The following ARHGAP30 variants were observed in gnomAD, a reference collection of about 807,000 sequenced individuals.
The protein encoded by ARHGAP30 is rho GTPase-activating protein 30.
A neutral mutation model predicts 72.0 loss-of-function variants in ARHGAP30; 23 were observed. The ratio of observed to expected loss-of-function variants is 0.32; its 90% confidence interval spans 0.23 to 0.45. The LOEUF is 0.45. Among genes scored for constraint, ARHGAP30 ranks in the 20% least tolerant of loss-of-function variants. ARHGAP30 has a pLI of 1.00. For missense variants in ARHGAP30, 1,319 were observed against 1,383.4 expected, an observed-to-expected ratio of 0.95 and a Z score of 0.74; for synonymous variants, 576 against 528.2, an observed-to-expected ratio of 1.09 and a Z score of -1.24.
At chr1:161,065,493 G>A (rs925140226) in intron 1 of ARHGAP30, among the ~76,000 whole-genome samples, 1 of 152,146 alleles carries the variant, frequency 6.6e-6, no homozygotes. Context: ...AATATGGAAT[G>A]AAGAAAATAA....
intron 9 of ARHGAP30, 38 bp from the exon 10 acceptor site, chr1:161,051,753 A>C: frequency 6.5e-7 from 1 of 1,545,420 alleles, no homozygotes; most frequent in Non-Finnish European, 8.7e-7. Flanking sequence ...GCAATAGCCT[A>C]AACTCCAAGG....
At position 161,049,435 on chromosome 1, in the gene ARHGAP30, C is replaced by A. The variant is rs1651180271; in HGVS notation, c.1675G>T (p.Val559Phe). The stretch of plus-strand genomic sequence containing the variant: ...ACGGCTCTCCTTACCTGAGGCCCAA[C>A]TCCCAGGAGCTCCTCCAGGTAGCCC... ...GMGYLEELLG[V>F]GPQVEEFSVE... The change falls in exon 11 of 12, where the codon GTT (valine) becomes TTT (phenylalanine). Residue 559 changes from valine (V) to phenylalanine (F), a missense_variant. Physicochemically the swap from Val to Phe is conservative, Grantham distance 50. This residue lies in a region of ARHGAP30 where 1,097 missense variants were observed against 1,045.2 expected (regional missense o/e 1.05). Transcript: ENST00000368013. The A allele has an allele frequency of 1.2e-6, 2 of 1,609,852 alleles. No homozygotes were observed. The highest frequency in any genetic ancestry group is 2.7e-5 in the African/African-American group (2 of 74,872).
chr1:161,069,486 G>T lies in ARHGAP30; in HGVS notation c.97+42C>A. On this transcript the variant is annotated intron_variant, in intron 1 of 11. Coordinates refer to ENST00000368013, the MANE Select transcript of ARHGAP30 (RefSeq NM_001025598.2). This position sits in a 1 kb window ranked among gnomAD's most constrained non-coding sequence, Gnocchi z 4.9. ...CTGGATCGGGCTGCAGATGCCCAGT[G>T]CCTCCCCACCCACCCTGCAGAAGCT... is the stretch of plus-strand genomic sequence containing the variant. 42 of 1,529,242 alleles carry T rather than the reference G, an allele frequency of 2.7e-5. No individual in the cohort carries two copies. The highest frequency in any genetic ancestry group is 3.4e-5 in the Non-Finnish European group (38 of 1,112,632). 94.7% of individuals were successfully genotyped at this position (1,529,242 alleles called of 1,614,324 possible).
In ARHGAP30 at chr1:161,048,668, C is replaced by A. The variant is rs1453775252; in HGVS notation, c.2353G>T (p.Val785Phe). The change falls in exon 12 of 12, where the codon GTT becomes TTT. Residue 785 changes from valine (V) to phenylalanine (F), a missense_variant. Physicochemically the swap from Val to Phe is conservative, Grantham distance 50 (BLOSUM62 -1). Transcript: ENST00000368013. ...CCCTCAGCCTCTTGTTTCTGTACAA[C>A]TTCCCATTTCTCCTCAGCAACTTGA... is the stretch of plus-strand genomic sequence containing the variant. ...EDQVAEEKWE[V>F]VQKQEAEGVR... 25 of 1,614,030 alleles carry A rather than the reference C, an allele frequency of 1.5e-5. No homozygotes were observed. The highest frequency in any genetic ancestry group is 1.9e-5 in the Non-Finnish European group (23 of 1,180,040).
intron 5 of ARHGAP30, among the ~76,000 whole-genome samples, chr1:161,053,790 C>G (rs1048341644): frequency 6.6e-6 from 1 of 152,210 alleles, no homozygotes; most frequent in Non-Finnish European, 1.5e-5. Flanking sequence ...TGAGGCCGGA[C>G]AGAGTGGCTC....
At chr1:161,068,906 GC>G in intron 1 of ARHGAP30, among the ~76,000 whole-genome samples, 1 of 151,902 alleles carries the variant, frequency 6.6e-6, no homozygotes, top group East Asian at 1.9e-4. Flanking sequence ...TTCTCCCCTT[GC>G]CCCCCACTTT....
In ARHGAP30 at chr1:161,054,708, G is replaced by A. The variant is rs1364165213; in HGVS notation, c.346-3C>T. On this transcript the variant is annotated splice_polypyrimidine_tract_variant and splice_region_variant and intron_variant, in intron 3 of 11. Transcript: ENST00000368013. ...TCCAATTGCACTCCTACAGCCTCCT[G>A]ATTGAGAAGAGTGCAAGAAGCAGGA... The A allele has an allele frequency of 6.2e-7, 1 of 1,613,826 alleles. No individual in the cohort carries two copies. Among genetic ancestry groups the A allele is most frequent in the East Asian group, 2.2e-5 (1 of 44,884 alleles).
intron 1 of ARHGAP30, among the ~76,000 whole-genome samples, chr1:161,063,802 G>C (rs1278681669): frequency 1.3e-5 from 2 of 151,512 alleles, no homozygotes; most frequent in East Asian, 3.9e-4. Context: ...GTCTCTGAAC[G>C]CCCCCCCCAC....
At position 161,054,717 on chromosome 1, in the gene ARHGAP30, G is replaced by A. The variant is rs1557925156; in HGVS notation, c.346-12C>T. The A allele has an allele frequency of 6.2e-7, 1 of 1,613,376 alleles. No individual in the cohort carries two copies. ...ACTCCTACAGCCTCCTGATTGAGAA[G>A]AGTGCAAGAAGCAGGAATCAGTGAC... On this transcript the variant is annotated splice_polypyrimidine_tract_variant and intron_variant, in intron 3 of 11. Coordinates refer to ENST00000368013, the MANE Select transcript of ARHGAP30 (RefSeq NM_001025598.2).
rs1055101060 is a variant in ARHGAP30, at chr1:161,069,650, G to C, written c.-26C>G. ...GGCCAGAGCCCCAGGGCACTGGCCC[G>C]GTCACCTCTATCCCCCAAGACCTGT... On this transcript the variant is annotated 5_prime_UTR_variant, in exon 1 of 12. Coordinates refer to ENST00000368013, the MANE Select transcript of ARHGAP30 (RefSeq NM_001025598.2). The surrounding 1 kb of genome is among the most constrained non-coding windows in gnomAD (Gnocchi z 4.9). The C allele has an allele frequency of 6.2e-7, 1 of 1,601,912 alleles. No individual in the cohort carries two copies. Among genetic ancestry groups the C allele is most frequent in the East Asian group, 2.2e-5 (1 of 44,858 alleles).
rs764873795 is a variant in ARHGAP30 at position 161,047,990 on chromosome 1, C to T, written c.3031G>A (p.Glu1011Lys). 2 of 1,614,184 alleles carry T rather than the reference C, an allele frequency of 1.2e-6. No individual in the cohort carries two copies. Among genetic ancestry groups the T allele is most frequent in the South Asian group, 2.2e-5 (2 of 91,078 alleles). ...VALARDRQRT[E>K]AQGVRRTQTC... is the part of the protein sequence containing the mutation. ...TGGGTTCGCCGAACTCCTTGAGCCT[C>T]AGTCCTTTGGCGGTCCCGGGCTAGG... is the stretch of plus-strand genomic sequence containing the variant. The change falls in exon 12 of 12, where the codon GAG (glutamate) becomes AAG (lysine). Residue 1011 changes from glutamate (E) to lysine (K), a missense_variant. By Grantham distance (56) the Glu-to-Lys change is moderately conservative (BLOSUM62 1). Coordinates refer to ENST00000368013, the MANE Select transcript of ARHGAP30 (RefSeq NM_001025598.2).
At chr1:161,058,975 C>T (rs1011516400) in intron 2 of ARHGAP30, among the ~76,000 whole-genome samples, 1 of 151,620 alleles carries the variant, frequency 6.6e-6, no homozygotes, top group African/African-American at 2.4e-5. Context: ...CTAAAAACAA[C>T]GGAGTTATAC....
chr1:161,060,343 C>A, intron 1 of ARHGAP30: 1 of 335,206 alleles, frequency 3.0e-6, no homozygotes, highest in Non-Finnish European at 6.1e-6. Flanking sequence ...TGCCTGTAAT[C>A]CCAACACTTT....
At position 161,060,725 on chromosome 1, in the gene ARHGAP30, G is replaced by A. The variant is rs1175327875; in HGVS notation, c.98-1009C>T. Among the ~76,000 whole-genome samples, 84 of 139,264 alleles carry A rather than the reference G, an allele frequency of 6.0e-4. 1 individual carries two copies. The highest frequency in any genetic ancestry group is 1.8e-3 in the African/African-American group (68 of 37,824). The allele number at this position is 139,264 out of a possible 152,430, so 91.4% of individuals were successfully genotyped here. On this transcript the variant is annotated intron_variant, in intron 1 of 11. Coordinates refer to ENST00000368013, the MANE Select transcript of ARHGAP30 (RefSeq NM_001025598.2). Reference sequence around the variant, plus strand: ...TTTTTTTTTTTTTTTTTTTTGAGACGGAGTCTCACTCTGTTGCCCAGGCTG... The same window carrying A: ...TTTTTTTTTTTTTTTTTTTTGAGACAGAGTCTCACTCTGTTGCCCAGGCTG...
intron 2 of ARHGAP30, among the ~76,000 whole-genome samples, chr1:161,057,401 A>G (rs757710193): frequency 1.7e-4 from 26 of 152,358 alleles, no homozygotes; most frequent in Non-Finnish European, 3.4e-4. Flanking sequence ...TTGAATAAAC[A>G]TGGTATTGCT....
intron 1 of ARHGAP30, among the ~76,000 whole-genome samples, chr1:161,061,312 C>T (rs184646138): frequency 4.0e-5 from 5 of 124,316 alleles, no homozygotes; most frequent in Admixed American, 1.7e-4. Context: ...ATTACAGACA[C>T]GCGCCACCAC....
chr1:161,052,660 G>A lies in ARHGAP30; in HGVS notation c.802C>T (p.Pro268Ser), dbSNP rs1319869036. The A allele has an allele frequency of 1.2e-6, 2 of 1,613,906 alleles. No individual in the cohort carries two copies. The highest frequency in any genetic ancestry group is 4.5e-5 in the East Asian group (2 of 44,884). The change falls in exon 7 of 12, where the codon CCC (proline) becomes TCC (serine). Residue 268 changes from proline to serine, a missense_variant. By Grantham distance (74) the Pro-to-Ser change is moderately conservative. Coordinates refer to ENST00000368013, the MANE Select transcript of ARHGAP30 (RefSeq NM_001025598.2). ...QAGDGPPQMR[P>S]YHTIIEIAEH... ...GCAATCTCGATGATAGTATGGTAGG[G>A]CCGCATCTGTGGGGGTCCATCGCCA...
chr1:161,068,296 C>T (rs1170009596), intron 1 of ARHGAP30, among the ~76,000 whole-genome samples: 4 of 152,234 alleles, frequency 2.6e-5, no homozygotes, highest in Admixed American at 2.0e-4. Context: ...GCCACCTCCA[C>T]TCTGCCCAGT....
chr1:161,056,253 C>T, intron 3 of ARHGAP30, 135 bp downstream of exon 3: 2 of 1,273,186 alleles, frequency 1.6e-6, no homozygotes, highest in South Asian at 3.1e-5. Flanking sequence ...GGGGTCTTTT[C>T]CCCGGTAAGT....
Sources: allele counts gnomAD v4.1 joint callset (sites outside exome capture counted in the v4.1 genomes callset), GRCh38; gene constraint gnomAD v4.1.1; regional missense constraint gnomAD v4.1.1; non-coding constraint Gnocchi (gnomAD v3.1); transcripts MANE v1.5; gene names NCBI Gene and HGNC (gene_info 2026-07-23, HGNC 2026-07-21).